The following DLGAP1 variants were observed in gnomAD, a reference collection of about 807,000 sequenced individuals.
DLGAP1 encodes the protein DLG associated protein 1, also known as disks large-associated protein 1.
In DLGAP1, 11 loss-of-function variants were observed where a neutral mutation model predicts 90.8. The ratio of observed to expected loss-of-function variants is 0.12; its 90% CI spans 0.08 to 0.20. The LOEUF (loss-of-function observed/expected upper bound fraction) is 0.20. Ranked by LOEUF, DLGAP1 falls within the 10% of genes least tolerant of loss-of-function variation. The pLI, the probability that DLGAP1 is intolerant of heterozygous loss-of-function variation, is 1.00. For missense variants in DLGAP1, 1,050 were observed against 1,333.8 expected (o/e 0.79, Z 3.31); for synonymous variants, 558 against 540.7 (o/e 1.03, Z -0.44).
chr18:4,056,600 CA>C (rs1248137094), intron 2 of DLGAP1, among the ~76,000 whole-genome samples: 2 of 152,138 alleles, frequency 1.3e-5, no homozygotes, highest in African/African-American at 4.8e-5. Context: ...CAAACAACCT[CA>C]AAAGTCAAGG....
intron 2 of DLGAP1, among the ~76,000 whole-genome samples, chr18:4,126,331 G>A (rs527545295): frequency 7.2e-5 from 11 of 152,220 alleles, no homozygotes; most frequent in South Asian, 4.1e-4. Context: ...CAACTCATTC[G>A]CTCAAAATTA....
intron 2 of DLGAP1, among the ~76,000 whole-genome samples, chr18:4,077,810 G>A (rs897869858): frequency 6.6e-6 from 1 of 152,162 alleles, no homozygotes; most frequent in Non-Finnish European, 1.5e-5. Context: ...GAGTATACAG[G>A]CCCCAAATCC....
chr18:4,078,501 G>A (rs548485288), intron 2 of DLGAP1, among the ~76,000 whole-genome samples: 45 of 152,296 alleles, frequency 3.0e-4, no homozygotes, highest in Middle Eastern at 3.4e-3. Context: ...TGCTAACAAA[G>A]TGCAGAGCAG....
Position 4,451,405 on chromosome 18 carries a change from T to C in DLGAP1, c.-267+3601A>G, listed in dbSNP as rs79643955. On this transcript the variant is annotated intron_variant, in intron 1 of 12. Coordinates refer to ENST00000315677, the MANE Select transcript of DLGAP1 (RefSeq NM_004746.4). ...AGTATACAGCATTGTATAAGCTAAA[T>C]AGTTACATCTTAGAAGCAAAAGAAC... Among the ~76,000 whole-genome samples the C allele has an allele frequency of 5.9e-5, 9 of 152,340 alleles. 1 individual carries two copies. In the South Asian group the frequency reaches 1.2e-3, roughly 21 times the overall value.
intron 5 of DLGAP1, among the ~76,000 whole-genome samples, chr18:3,748,372 T>C (rs2147778117): frequency 6.6e-6 from 1 of 152,354 alleles, no homozygotes; most frequent in Admixed American, 6.5e-5. Context: ...ACAAAATGAC[T>C]AACTTTGCAA....
At chr18:4,079,844 C>T (rs547695311) in intron 2 of DLGAP1, among the ~76,000 whole-genome samples, 3 of 152,188 alleles carry the variant, frequency 2.0e-5, no homozygotes, top group Admixed American at 1.3e-4. Flanking sequence ...ATCCTGCTTA[C>T]ATCCTAGGAG....
intron 7 of DLGAP1, among the ~76,000 whole-genome samples, chr18:3,637,451 A>G (rs2146266175): frequency 6.6e-6 from 1 of 151,746 alleles, no homozygotes; most frequent in East Asian, 1.9e-4. Flanking sequence ...ATGTTTTTCT[A>G]GGCCAGGCGC....
chr18:4,151,776 A>G (rs150789709), intron 1 of DLGAP1, among the ~76,000 whole-genome samples: 1 of 152,276 alleles, frequency 6.6e-6, no homozygotes, highest in Non-Finnish European at 1.5e-5. Flanking sequence ...CATTCATGGC[A>G]TAATATTCCC....
intron 4 of DLGAP1, among the ~76,000 whole-genome samples, chr18:3,849,203 A>G (rs2069195872): frequency 6.6e-6 from 1 of 152,186 alleles, no homozygotes; most frequent in African/African-American, 2.4e-5. Flanking sequence ...TCAATATGCG[A>G]TTATCTAATC....
intron 1 of DLGAP1, among the ~76,000 whole-genome samples, chr18:4,373,819 G>A (rs986963033): frequency 6.6e-6 from 1 of 152,136 alleles, no homozygotes; most frequent in Non-Finnish European, 1.5e-5. Flanking sequence ...AGTAGTTGGT[G>A]TAAACACTTA....
At chr18:4,406,149 A>G (rs2082660041) in intron 1 of DLGAP1, among the ~76,000 whole-genome samples, 1 of 152,204 alleles carries the variant, frequency 6.6e-6, no homozygotes. Context: ...GGGACCAATC[A>G]GAGGCTGAAG....
rs77999372 is a variant in DLGAP1 at position 3,690,094 on chromosome 18, G to GT, written c.1591+39040dup. Among the ~76,000 whole-genome samples, 1,147 of 116,716 alleles carry GT rather than the reference G, an allele frequency of 9.8e-3. 5 individuals carry two copies. The highest frequency in any genetic ancestry group is 0.013 in the Non-Finnish European group (751 of 58,726). 76.6% of individuals were successfully genotyped at this position (116,716 alleles called of 152,430 possible). ...AACAGTACCCTGCGGGCTGGGTGAGGTTTTTTTTTTTTTTTTTTTTTTTTG... is the reference window on the plus strand; with the variant it reads ...AACAGTACCCTGCGGGCTGGGTGAGGTTTTTTTTTTTTTTTTTTTTTTTTTG... On this transcript the variant is annotated intron_variant, in intron 7 of 12. Transcript: ENST00000315677.
chr18:4,030,556 T>C (rs1269529196), intron 2 of DLGAP1, among the ~76,000 whole-genome samples: 1 of 142,880 alleles, frequency 7.0e-6, no homozygotes, highest in Non-Finnish European at 1.5e-5. Flanking sequence ...AGGCCTCTTG[T>C]TTTGGATTGA....
chr18:4,387,930 TACACACA>T lies in DLGAP1; in HGVS notation c.-267+67069_-267+67075del, dbSNP rs2082266809. On this transcript the variant is annotated intron_variant, in intron 1 of 12. Coordinates refer to ENST00000315677, the MANE Select transcript of DLGAP1 (RefSeq NM_004746.4). ...TGGGTGACAGAGACTCCATCACACA[TACACACA>T]CACACACACACACACACACACACAC... 3.5e-3 allele frequency among the ~76,000 whole-genome samples: 431 copies of T among 123,322 alleles called. 2 individuals carry two copies. Among genetic ancestry groups the T allele is most frequent in the South Asian group, 6.4e-3 (25 of 3,916 alleles). 80.9% of individuals were successfully genotyped at this position (123,322 alleles called of 152,430 possible). A position where few individuals can be genotyped will look rare whatever the true frequency, so the allele number is the denominator to read the frequency against.
At chr18:4,306,450 TGTGTGTGTGTGTGA>T (rs1251057537) in intron 1 of DLGAP1, among the ~76,000 whole-genome samples, 27 of 126,466 alleles carry the variant, frequency 2.1e-4, no homozygotes, top group African/African-American at 4.6e-4. Flanking sequence ...TGTGTGTGTG[TGTGTGTGTGTGTGA>T]GAGAGAGAGA....
chr18:4,043,237 A>G lies in DLGAP1; in HGVS notation c.-158-38036T>C, dbSNP rs561520532. 1.8e-4 allele frequency among the ~76,000 whole-genome samples: 27 copies of G among 152,364 alleles called. No homozygotes were observed. In the South Asian group the frequency reaches 5.4e-3, roughly 30 times the overall value. On this transcript the variant is annotated intron_variant, in intron 2 of 12. Transcript: ENST00000315677. ...GCAAAACAATCAAATTTAATTAACA[A>G]AAAGCATTTGCACAGCCAGTCTGGC...
At chr18:4,443,204 C>T (rs1232332021) in intron 1 of DLGAP1, among the ~76,000 whole-genome samples, 1 of 152,244 alleles carries the variant, frequency 6.6e-6, no homozygotes, top group African/African-American at 2.4e-5. Context: ...GACAACTGAA[C>T]TATCCTTTCC....
chr18:3,963,272 G>GC lies in DLGAP1; in HGVS notation c.-73+41843dup, dbSNP rs201873629. Among the ~76,000 whole-genome samples the GC allele has an allele frequency of 4.5e-4, 9 of 20,042 alleles. 1 individual carries two copies. In the South Asian group the frequency reaches 5.6e-3, roughly 12 times the overall value. The allele number at this position is 20,042 out of a possible 152,430, so 13.1% of individuals were successfully genotyped here. ...CCAGCTCCAAAGGCTCCATTTCATT[G>GC]CCCCCCTCACCCCCCAGGGTTCTAC... On this transcript the variant is annotated intron_variant, in intron 3 of 12. Coordinates refer to ENST00000315677, the MANE Select transcript of DLGAP1 (RefSeq NM_004746.4).
At chr18:4,382,283 T>C (rs1230709704) in intron 1 of DLGAP1, among the ~76,000 whole-genome samples, 1 of 152,180 alleles carries the variant, frequency 6.6e-6, no homozygotes, top group Non-Finnish European at 1.5e-5. Context: ...TTCATATATA[T>C]AACGAGGATA....
Sources: allele counts gnomAD v4.1 joint callset (sites outside exome capture counted in the v4.1 genomes callset), GRCh38; gene constraint gnomAD v4.1.1; transcripts MANE v1.5; gene names NCBI Gene and HGNC (gene_info 2026-07-23, HGNC 2026-07-21).